The following IRAK1BP1 variants were observed in gnomAD, a reference collection of about 807,000 sequenced individuals.
The protein encoded by IRAK1BP1 is interleukin-1 receptor-associated kinase 1-binding protein 1.
In IRAK1BP1, 24 loss-of-function variants were observed where a neutral mutation model predicts 28.0. That is an observed-to-expected ratio of 0.86 (90% CI 0.62 to 1.20). The LOEUF (loss-of-function observed/expected upper bound fraction) is 1.20. Among genes scored for constraint, IRAK1BP1 ranks in the 50% most tolerant of loss-of-function variants. IRAK1BP1 has a pLI of 0.00. For synonymous variants in IRAK1BP1, 131 were observed against 116.3 expected (o/e 1.13, Z -0.81); for missense variants, 336 against 316.7 (o/e 1.06, Z -0.46).
the IRAK1BP1 span, among the ~76,000 whole-genome samples, chr6:78,959,262 TAAA>T: frequency 1.3e-5 from 2 of 152,068 alleles, no homozygotes; most frequent in African/African-American, 2.4e-5. Flanking sequence ...CTTAAAATAA[TAAA>T]GAAAACACTT....
At position 78,867,829 on chromosome 6, in the gene IRAK1BP1, A is replaced by G. The variant is rs1402314751; in HGVS notation, c.253A>G (p.Lys85Glu). ...SSTKEAAAEAKKSVCRRLDYI... is the reference protein window; with the variant it reads ...SSTKEAAAEAEKSVCRRLDYI... ...CACCAAGGAGGCGGCAGCCGAGGCC[A>G]AAAAGAGCGTTTGTCGCCGTCTAGA... Residue 85 changes from lysine (K) to glutamate (E), a missense_variant, in exon 1 of 4, where the codon AAA becomes GAA. Physicochemically the swap from Lys to Glu is moderately conservative, Grantham distance 56. Coordinates refer to ENST00000369940, the MANE Select transcript of IRAK1BP1 (RefSeq NM_001010844.4). The G allele has an allele frequency of 1.2e-6, 2 of 1,611,888 alleles. No homozygotes were observed. The highest frequency in any genetic ancestry group is 2.2e-5 in the East Asian group (1 of 44,840).
intron 4 of IRAK1BP1, among the ~76,000 whole-genome samples, chr6:78,935,204 A>T (rs1039237041): frequency 1.3e-5 from 2 of 152,000 alleles, no homozygotes; most frequent in Non-Finnish European, 2.9e-5. Flanking sequence ...GTTATCAGGA[A>T]TTTTTTTTAC....
At chr6:78,889,521 A>G (rs908082783) in intron 2 of IRAK1BP1, among the ~76,000 whole-genome samples, 2 of 151,624 alleles carry the variant, frequency 1.3e-5, no homozygotes, top group Admixed American at 6.6e-5. Flanking sequence ...TTTGCTTGCT[A>G]TCCATCTGAC....
intron 4 of IRAK1BP1, among the ~76,000 whole-genome samples, chr6:78,930,410 CAT>C (rs1444100197): frequency 6.6e-6 from 1 of 152,080 alleles, no homozygotes; most frequent in Non-Finnish European, 1.5e-5. Flanking sequence ...GTCTTCAAGT[CAT>C]ATTTTTAATA....
chr6:78,898,007 T>C, intron 3 of IRAK1BP1, 48 bp downstream of exon 3: 1 of 1,608,642 alleles, frequency 6.2e-7, no homozygotes, highest in Non-Finnish European at 8.5e-7. Flanking sequence ...AACAAAACTA[T>C]CCAGTGCTAC....
intron 4 of IRAK1BP1, among the ~76,000 whole-genome samples, chr6:78,924,957 G>A (rs1038278583): frequency 2.6e-5 from 4 of 152,118 alleles, no homozygotes; most frequent in African/African-American, 9.7e-5. Flanking sequence ...AGAAAATGTG[G>A]CACATATACA....
At chr6:78,876,361 G>A (rs1771003349) in intron 1 of IRAK1BP1, among the ~76,000 whole-genome samples, 2 of 152,172 alleles carry the variant, frequency 1.3e-5, no homozygotes, top group South Asian at 2.1e-4. Context: ...AACTCAGGTA[G>A]TATCTTTATA....
chr6:78,943,756 T>G (rs1773636822), intron 4 of IRAK1BP1, among the ~76,000 whole-genome samples: 2 of 150,886 alleles, frequency 1.3e-5, no homozygotes, highest in South Asian at 4.2e-4. Context: ...GGAGGCCGAG[T>G]GGGGTGGATC....
At chr6:78,970,960 A>T in the IRAK1BP1 span, 2 of 988,006 alleles carry the variant, frequency 2.0e-6, no homozygotes, top group South Asian at 3.1e-5. Context: ...TATCAGCTGA[A>T]ATTGCAAAGA....
chr6:78,938,345 GAGTTGGA>G (rs1479341078), intron 4 of IRAK1BP1: 1 of 151,440 alleles, frequency 6.6e-6, no homozygotes, highest in African/African-American at 2.4e-5. Flanking sequence ...TTCTTTGCTT[GAGTTGGA>G]ATTAACACAT....
intron 2 of IRAK1BP1, among the ~76,000 whole-genome samples, chr6:78,889,486 G>A (rs1340862584): frequency 6.6e-6 from 1 of 151,184 alleles, no homozygotes; most frequent in Non-Finnish European, 1.5e-5. Flanking sequence ...GAGTGAAGAG[G>A]CAACCTTCAG....
At chr6:78,939,061 AAAT>A (rs1182424064) in intron 4 of IRAK1BP1, 1 of 151,756 alleles carries the variant, frequency 6.6e-6, no homozygotes. Flanking sequence ...AGTCCTCAGA[AAAT>A]ACTACATTCT....
At chr6:78,948,445 T>C (rs943700626), downstream of IRAK1BP1, among the ~76,000 whole-genome samples, 1 of 152,140 alleles carries the variant, frequency 6.6e-6, no homozygotes, top group African/African-American at 2.4e-5. Flanking sequence ...TGGTATATAA[T>C]TCTAAAATTA....
chr6:78,917,488 A>T (rs1488095134), intron 4 of IRAK1BP1, among the ~76,000 whole-genome samples: 1 of 152,110 alleles, frequency 6.6e-6, no homozygotes, highest in Non-Finnish European at 1.5e-5. Context: ...TGGAAAACAT[A>T]TTTCAAGGAA....
chr6:78,940,957 A>C, intron 4 of IRAK1BP1: 1 of 1,613,998 alleles, frequency 6.2e-7, no homozygotes, highest in Non-Finnish European at 8.5e-7. Flanking sequence ...ACACTTTGAC[A>C]CTTGCAGGGA....
intron 4 of IRAK1BP1, among the ~76,000 whole-genome samples, chr6:78,942,298 C>T (rs1281913418): frequency 6.6e-6 from 1 of 152,116 alleles, no homozygotes; most frequent in African/African-American, 2.4e-5. Flanking sequence ...GCCTGGCCAA[C>T]ATGGCGAAAC....
At chr6:78,938,023 T>C (rs1773338500) in intron 4 of IRAK1BP1, 3 of 151,730 alleles carry the variant, frequency 2.0e-5, no homozygotes, top group Non-Finnish European at 3.0e-5. Context: ...TAACAGTACA[T>C]ACATAGTGTT....
chr6:78,932,310 G>A lies in IRAK1BP1; in HGVS notation c.*68-13098G>A, dbSNP rs937257500. On this transcript the variant is annotated intron_variant and NMD_transcript_variant, in intron 4 of 4. Transcript: ENST00000606868. ...CAATGAATCACGAACGTTCTTAATG[G>A]CATCTAGAATGGTGAATTCTTTCCA... Among the ~76,000 whole-genome samples, 22 of 152,080 alleles carry A rather than the reference G, an allele frequency of 1.4e-4. No homozygotes were observed. The East Asian group carries it at 4.1e-3, about 28-fold the overall frequency.
intron 4 of IRAK1BP1, chr6:78,937,711 T>C (rs1242630704): frequency 6.6e-6 from 1 of 151,596 alleles, no homozygotes; most frequent in East Asian, 1.9e-4. Flanking sequence ...ATGCAGAAAA[T>C]AGTCCAATGC....
Sources: gnomAD v4.1 joint callset for allele counts (sites outside exome capture counted in the v4.1 genomes callset) on GRCh38, gnomAD v4.1.1 for gene constraint, MANE v1.5 for transcripts, NCBI Gene and HGNC (gene_info 2026-07-23, HGNC 2026-07-21) for gene names.